The following MYO5B variants were observed in gnomAD, a reference collection of about 807,000 sequenced individuals.
The protein encoded by MYO5B is unconventional myosin-Vb.
In MYO5B, 143 loss-of-function variants were observed where a neutral mutation model predicts 229.3. That is an observed-to-expected ratio of 0.62 (90% CI 0.54 to 0.72). The LOEUF is 0.72. Among genes scored for constraint, MYO5B ranks in the 30% least tolerant of loss-of-function variants. The pLI is 0.00. For synonymous variants in MYO5B, 918 were observed against 885.2 expected, an observed-to-expected ratio of 1.04 and a Z score of -0.66; for missense variants, 2,321 against 2,331.0, an observed-to-expected ratio of 1.00 and a Z score of 0.09.
intron 4 of MYO5B, among the ~76,000 whole-genome samples, chr18:50,004,710 G>A (rs2026082800): frequency 2.0e-5 from 3 of 152,148 alleles, no homozygotes; most frequent in Non-Finnish European, 1.5e-5. Flanking sequence ...CAAAGGCTAT[G>A]ATAAGCTCTG....
At chr18:49,933,923 T>A (rs951075854) in intron 16 of MYO5B, among the ~76,000 whole-genome samples, 12 of 152,240 alleles carry the variant, frequency 7.9e-5, no homozygotes, top group Non-Finnish European at 1.6e-4. Context: ...TCATCCAGGC[T>A]GGAGTGCAGT....
chr18:49,907,860 C>T lies in MYO5B; in HGVS notation c.2203-1230G>A, dbSNP rs558008586. On this transcript the variant is annotated intron_variant, in intron 18 of 39. Coordinates refer to ENST00000285039, the MANE Select transcript of MYO5B (RefSeq NM_001080467.3). ...AGTGGGCTCTGGGCCTGGCTCTCCTCCCTGTGTCTGCTCAGAGCCATGCAC... is the reference window on the plus strand; with the variant it reads ...AGTGGGCTCTGGGCCTGGCTCTCCTTCCTGTGTCTGCTCAGAGCCATGCAC... Among the ~76,000 whole-genome samples the T allele has an allele frequency of 8.5e-5, 13 of 152,374 alleles. No homozygotes were observed. In the South Asian group the frequency reaches 1.9e-3, roughly 22 times the overall value.
chr18:50,101,319 G>A lies in MYO5B; in HGVS notation c.28-45941C>T, dbSNP rs192043392. On this transcript the variant is annotated intron_variant, in intron 1 of 39. Transcript: ENST00000285039. ...TGGAAGGGAAAAAGAAGGTCACAGGGAAGAGGGGTACTTAGTGAGGCACCA... is the reference window on the plus strand; with the variant it reads ...TGGAAGGGAAAAAGAAGGTCACAGGAAAGAGGGGTACTTAGTGAGGCACCA... 1.8e-3 allele frequency among the ~76,000 whole-genome samples: 276 copies of A among 152,314 alleles called. 2 individuals carry two copies. The highest frequency in any genetic ancestry group is 6.3e-3 in the African/African-American group (262 of 41,558).
intron 6 of MYO5B, among the ~76,000 whole-genome samples, chr18:49,991,065 C>T (rs1053289353): frequency 1.3e-5 from 2 of 151,970 alleles, no homozygotes; most frequent in Non-Finnish European, 2.9e-5. Flanking sequence ...GAGGCCTGAG[C>T]GAAGAGAGCT....
Position 49,879,225 on chromosome 18 carries a change from C to A in MYO5B, c.3131-135G>T, listed in dbSNP as rs193141351. ...TCAGAGGCTCTTGATGAATCTATTA[C>A]GCTCCTCACCTACTGCAGAGCAAAG... On this transcript the variant is annotated intron_variant, in intron 23 of 39. Transcript: ENST00000285039. 22 of 1,016,468 alleles carry A rather than the reference C, an allele frequency of 2.2e-5. No individual in the cohort carries two copies. In the East Asian group the frequency reaches 5.5e-4, roughly 25 times the overall value. The allele number at this position is 1,016,468 out of a possible 1,614,324, so 63.0% of individuals were successfully genotyped here.
chr18:49,943,815 T>C (rs1163532532), intron 14 of MYO5B, among the ~76,000 whole-genome samples: 1 of 152,062 alleles, frequency 6.6e-6, no homozygotes, highest in Admixed American at 6.5e-5. Flanking sequence ...AAGATGAATA[T>C]CCTAAAGGAA....
chr18:50,159,048 G>C (rs1009195559), intron 1 of MYO5B, among the ~76,000 whole-genome samples: 1 of 152,154 alleles, frequency 6.6e-6, no homozygotes, highest in Non-Finnish European at 1.5e-5. Flanking sequence ...TAACAACCAT[G>C]AGAGACAAAG....
chr18:49,954,545 C>T (rs1205885299), intron 12 of MYO5B, 110 bp from the exon 13 acceptor site: 76 of 1,414,824 alleles, frequency 5.4e-5, no homozygotes, highest in Middle Eastern at 2.3e-4. Flanking sequence ...GTTGATTCAG[C>T]CCTCGAACCA....
chr18:49,951,554 G>A (rs2025431338), intron 14 of MYO5B, among the ~76,000 whole-genome samples: 1 of 152,204 alleles, frequency 6.6e-6, no homozygotes, highest in Non-Finnish European at 1.5e-5. Context: ...CTGCTGGAGA[G>A]TGAATATAAC....
At chr18:49,940,502 TC>T (rs2025302220) in intron 14 of MYO5B, among the ~76,000 whole-genome samples, 1 of 152,168 alleles carries the variant, frequency 6.6e-6, no homozygotes, top group Non-Finnish European at 1.5e-5. Flanking sequence ...ATGATGACCA[TC>T]CCATTTCCAT....
chr18:49,917,932 G>C (rs1396643162), intron 17 of MYO5B, among the ~76,000 whole-genome samples: 2 of 152,218 alleles, frequency 1.3e-5, no homozygotes, highest in Non-Finnish European at 2.9e-5. Context: ...ACCCGTGACT[G>C]CTTCCTGGTA....
At chr18:49,830,938 C>T (rs767002688) in intron 39 of MYO5B, among the ~76,000 whole-genome samples, 9 of 148,008 alleles carry the variant, frequency 6.1e-5, no homozygotes, top group Non-Finnish European at 1.2e-4. Context: ...TACTGGTATA[C>T]GGACAGACAT....
At position 50,171,115 on chromosome 18, in the gene MYO5B, T is replaced by C. The variant is rs182779741; in HGVS notation, c.27+23652A>G. Among the ~76,000 whole-genome samples, 12 of 128,044 alleles carry C rather than the reference T, an allele frequency of 9.4e-5. 3 individuals carry two copies. The East Asian group carries it at 2.7e-3, about 29-fold the overall frequency. 84.0% of individuals were successfully genotyped at this position (128,044 alleles called of 152,430 possible). A position where few individuals can be genotyped will look rare whatever the true frequency, so the allele number is the denominator to read the frequency against. ...CTTGGCCGCCAGTCTCATGCAGCCCTGTTCCTCAAATCTGGAAGTCCTGAA... is the reference window on the plus strand; with the variant it reads ...CTTGGCCGCCAGTCTCATGCAGCCCCGTTCCTCAAATCTGGAAGTCCTGAA... On this transcript the variant is annotated intron_variant, in intron 1 of 39. Coordinates refer to ENST00000285039, the MANE Select transcript of MYO5B (RefSeq NM_001080467.3).
chr18:49,868,856 C>T (rs2024426610), intron 27 of MYO5B, among the ~76,000 whole-genome samples: 1 of 152,232 alleles, frequency 6.6e-6, no homozygotes, highest in Non-Finnish European at 1.5e-5. Context: ...GGCACCTAAG[C>T]CTTGTGCAGG....
intron 1 of MYO5B, among the ~76,000 whole-genome samples, chr18:50,101,095 T>G (rs2031646076): frequency 6.6e-6 from 1 of 152,208 alleles, no homozygotes; most frequent in South Asian, 2.1e-4. Flanking sequence ...TACTGTATAG[T>G]TGAAGTTTGC....
intron 4 of MYO5B, among the ~76,000 whole-genome samples, chr18:50,017,900 T>C (rs2026232873): frequency 6.6e-6 from 1 of 152,202 alleles, no homozygotes; most frequent in Admixed American, 6.5e-5. Context: ...TTCTAATTAA[T>C]TGCCTATAGA....
At chr18:49,902,422 T>C (rs570041079) in intron 21 of MYO5B, among the ~76,000 whole-genome samples, 172 bp downstream of exon 21, 85 of 152,344 alleles carry the variant, frequency 5.6e-4, no homozygotes, top group Non-Finnish European at 1.0e-3. Flanking sequence ...GCTGAGGGTA[T>C]CTTTAGGGGT....
At chr18:50,071,608 GCT>G (rs1182737357) in intron 1 of MYO5B, among the ~76,000 whole-genome samples, 1 of 152,206 alleles carries the variant, frequency 6.6e-6, no homozygotes, top group Non-Finnish European at 1.5e-5. Context: ...AGGAAGAGCA[GCT>G]CTGTCTTCAA....
At position 49,841,414 on chromosome 18, in the gene MYO5B, G is replaced by T; in HGVS notation, c.4652C>A (p.Ser1551Tyr). Residue 1551 changes from serine to tyrosine, a missense_variant, in exon 35 of 40, where the codon TCC becomes TAC. Physicochemically the swap from Ser to Tyr is moderately radical, Grantham distance 144. Transcript: ENST00000285039. Reference protein sequence around the residue: ...DDFEMTSFWLSNTCRLLHCLK... With the variant: ...DDFEMTSFWLYNTCRLLHCLK... ...ACAGTGAAGAAGGCGGCAGGTGTTGGATAACCAGAATGACGTCATCTCAAA... is the reference window on the plus strand; with the variant it reads ...ACAGTGAAGAAGGCGGCAGGTGTTGTATAACCAGAATGACGTCATCTCAAA... 1 of 1,614,210 alleles carries T rather than the reference G, an allele frequency of 6.2e-7. No homozygotes were observed. Among genetic ancestry groups the T allele is most frequent in the Non-Finnish European group, 8.5e-7 (1 of 1,180,028 alleles).
Sources: gnomAD v4.1 joint callset for allele counts (sites outside exome capture counted in the v4.1 genomes callset) on GRCh38, gnomAD v4.1.1 for gene constraint, MANE v1.5 for transcripts, NCBI Gene and HGNC (gene_info 2026-07-23, HGNC 2026-07-21) for gene names.